Variants in RAB12 observed in about 807,000 individuals in gnomAD.
RAB12 encodes the protein ras-related protein Rab-12.
Under a neutral mutation model 28.4 loss-of-function variants are expected in RAB12, and 11 were observed. The observed-to-expected ratio is 0.39, with a 90% CI of 0.24 to 0.64. RAB12 has a LOEUF of 0.64. Among genes scored for constraint, RAB12 ranks in the 30% least tolerant of loss-of-function variants. The probability of loss-of-function intolerance (pLI) is 0.50; values close to 1 mark genes in which losing one functional copy is unlikely to be tolerated. For synonymous variants in RAB12, 138 were observed against 145.3 expected, an observed-to-expected ratio of 0.95 and a Z score of 0.36; for missense variants, 276 against 351.1, an observed-to-expected ratio of 0.79 and a Z score of 1.71.
chr18:8,619,868 G>A (rs899658787), intron 1 of RAB12, among the ~76,000 whole-genome samples: 5 of 152,246 alleles, frequency 3.3e-5, no homozygotes, highest in East Asian at 1.9e-4. Context: ...ATAAGACACC[G>A]GCACAGTTGC....
intron 1 of RAB12, among the ~76,000 whole-genome samples, chr18:8,618,998 C>A (rs562685322): frequency 1.3e-5 from 2 of 152,268 alleles, no homozygotes; most frequent in East Asian, 1.9e-4. Flanking sequence ...TGCTTACAAT[C>A]CAATCCCTTA....
chr18:8,634,207 A>G (rs1286301923), intron 3 of RAB12, among the ~76,000 whole-genome samples: 2 of 89,968 alleles, frequency 2.2e-5, no homozygotes, highest in Non-Finnish European at 5.7e-5. Context: ...TGGAAGGCCA[A>G]AGCAAGAGGA....
At chr18:8,618,733 T>C (rs1265902217) in intron 1 of RAB12, among the ~76,000 whole-genome samples, 2 of 152,164 alleles carry the variant, frequency 1.3e-5, no homozygotes, top group African/African-American at 2.4e-5. Context: ...AGAATGGTCT[T>C]GATCTCCTGA....
Position 8,625,747 on chromosome 18 carries a change from T to C in RAB12, c.575+749T>C, listed in dbSNP as rs914345312. ...ATTGAGGTGCTCTGAGAATGCCGTT[T>C]TGTTTTGAATGCTACAGCTGCGGTG... On this transcript the variant is annotated intron_variant, in intron 2 of 5. Transcript: ENST00000649141. Among the ~76,000 whole-genome samples the C allele has an allele frequency of 2.0e-5, 3 of 152,238 alleles. No individual in the cohort carries two copies. The South Asian group carries it at 6.2e-4, about 32-fold the overall frequency.
chr18:8,631,389 CAG>C (rs1416584202), intron 2 of RAB12, among the ~76,000 whole-genome samples: 1 of 152,170 alleles, frequency 6.6e-6, no homozygotes, highest in Non-Finnish European at 1.5e-5. Flanking sequence ...CAGGAGGAAA[CAG>C]AGCTCAGCTC....
At chr18:8,620,133 CTT>C (rs1262256374) in intron 1 of RAB12, among the ~76,000 whole-genome samples, 519 of 40,092 alleles carry the variant, frequency 0.013, 3 homozygotes, top group African/African-American at 0.069. Flanking sequence ...TTTTTTTTTT[CTT>C]CTTCTTTTTT....
chr18:8,633,829 T>G (rs1465203869), intron 3 of RAB12, among the ~76,000 whole-genome samples: 1 of 152,206 alleles, frequency 6.6e-6, no homozygotes, highest in Non-Finnish European at 1.5e-5. Flanking sequence ...TGGCTCGTGA[T>G]GGAATCATAC....
At chr18:8,637,369 A>T (rs1274849783) in intron 5 of RAB12, among the ~76,000 whole-genome samples, 1 of 151,874 alleles carries the variant, frequency 6.6e-6, no homozygotes, top group African/African-American at 2.4e-5. Flanking sequence ...GACCATTTTT[A>T]AAATTTATTA....
rs1264765271 is a variant in RAB12 at position 8,638,233 on chromosome 18, C to G, written c.994C>G (p.Pro332Ala). 6.2e-7 allele frequency: 1 copy of G among 1,613,398 alleles called. No individual in the cohort carries two copies. Among genetic ancestry groups the G allele is most frequent in the East Asian group, 2.2e-5 (1 of 44,878 alleles). ...PEPEIPPELP[P>A]PRPHVRCC ...GCCTGAGATACCGCCAGAACTGCCT[C>G]CACCAAGACCACATGTCCGATGCTG... Residue 332 changes from proline (P) to alanine (A), a missense_variant, in exon 6 of 6, where the codon CCA (proline) becomes GCA (alanine). Coordinates refer to ENST00000649141, the MANE Select transcript of RAB12 (RefSeq NM_001025300.3).
intron 1 of RAB12, among the ~76,000 whole-genome samples, chr18:8,612,775 A>ATCTTCC (rs1410267824): frequency 6.6e-6 from 1 of 152,174 alleles, no homozygotes; most frequent in Non-Finnish European, 1.5e-5. Flanking sequence ...GGCTCACACA[A>ATCTTCC]TCTTCCTGCC....
chr18:8,632,866 ATGT>A, intron 2 of RAB12: 1 of 265,802 alleles, frequency 3.8e-6, no homozygotes, highest in Non-Finnish European at 7.0e-6. Context: ...ATATATTTTG[ATGT>A]TATATTAGCA....
At chr18:8,630,396 T>C (rs1300613610) in intron 2 of RAB12, among the ~76,000 whole-genome samples, 2 of 152,220 alleles carry the variant, frequency 1.3e-5, no homozygotes, top group Admixed American at 6.5e-5. Context: ...TAAGGGGTTG[T>C]GGAGACCTAG....
chr18:8,627,444 C>G (rs2096013371), intron 2 of RAB12, among the ~76,000 whole-genome samples: 1 of 152,188 alleles, frequency 6.6e-6, no homozygotes, highest in African/African-American at 2.4e-5. Flanking sequence ...CTGCAGGTGT[C>G]TGTTACATTT....
chr18:8,626,927 T>A (rs2096013047), intron 2 of RAB12, among the ~76,000 whole-genome samples: 1 of 152,254 alleles, frequency 6.6e-6, no homozygotes, highest in Admixed American at 6.5e-5. Flanking sequence ...TTCCAGTGAC[T>A]CTTTTCCTGC....
In RAB12 at chr18:8,638,277, G is replaced by C. The variant is rs115140842; in HGVS notation, c.*15G>C. On this transcript the variant is annotated 3_prime_UTR_variant, in exon 6 of 6. Transcript: ENST00000649141. Reference sequence around the variant, plus strand: ...GATGCTGTTGATTTCCTACTTTGGAGACAAAGTGGAAATGATTCCTGGAAA... The same window carrying C: ...GATGCTGTTGATTTCCTACTTTGGACACAAAGTGGAAATGATTCCTGGAAA... 9.0e-4 allele frequency: 1,392 copies of C among 1,550,812 alleles called. 12 individuals carry two copies. In the African/African-American group the frequency reaches 0.017, roughly 19 times the overall value.
chr18:8,633,037 T>C lies in RAB12; in HGVS notation c.576-152T>C, dbSNP rs1286396471. 5 of 853,544 alleles carry C rather than the reference T, an allele frequency of 5.9e-6. No homozygotes were observed. The East Asian group carries it at 9.9e-5, about 17-fold the overall frequency. The allele number at this position is 853,544 out of a possible 1,614,324, so 52.9% of individuals were successfully genotyped here. A position where few individuals can be genotyped will look rare whatever the true frequency, so the allele number is the denominator to read the frequency against. On this transcript the variant is annotated intron_variant, in intron 2 of 5. Transcript: ENST00000649141. ...TCAACCTAAATTTTTCCTACTTTCTTTAAGTGTGGTCATCAGGTCAAAGGG... is the reference window on the plus strand; with the variant it reads ...TCAACCTAAATTTTTCCTACTTTCTCTAAGTGTGGTCATCAGGTCAAAGGG...
intron 4 of RAB12, 44 bp downstream of exon 4, chr18:8,635,666 C>T (rs769370174): frequency 1.7e-6 from 2 of 1,209,894 alleles, no homozygotes; most frequent in African/African-American, 3.1e-5. Flanking sequence ...CTGTGCTTAG[C>T]GCTTGAGGTA....
At chr18:8,634,317 A>G (rs2096017687) in intron 3 of RAB12, among the ~76,000 whole-genome samples, 1 of 145,558 alleles carries the variant, frequency 6.9e-6, no homozygotes, top group Non-Finnish European at 1.5e-5. Context: ...TAAAAAAAAA[A>G]GTTGTTAGGA....
chr18:8,614,731 A>G (rs1439843202), intron 1 of RAB12, among the ~76,000 whole-genome samples: 1 of 151,990 alleles, frequency 6.6e-6, no homozygotes, highest in Non-Finnish European at 1.5e-5. Flanking sequence ...GATTACAGGC[A>G]CTCACCACCA....
Sources: allele counts gnomAD v4.1 joint callset (sites outside exome capture counted in the v4.1 genomes callset), GRCh38; gene constraint gnomAD v4.1.1; transcripts MANE v1.5; gene names NCBI Gene and HGNC (gene_info 2026-07-23, HGNC 2026-07-21).